The following TRIM50 variants were observed in gnomAD, a reference collection of about 807,000 sequenced individuals.
TRIM50 encodes tripartite motif containing 50, also known as E3 ubiquitin-protein ligase TRIM50.
In TRIM50, 34 loss-of-function variants were observed where a neutral mutation model predicts 44.9. The observed-to-expected ratio is 0.76, with a 90% CI of 0.58 to 1.01. TRIM50 has a LOEUF of 1.01. Among genes scored for constraint, TRIM50 ranks in the 50% least tolerant of loss-of-function variants. The pLI is 0.00. For synonymous variants in TRIM50, 307 were observed against 291.1 expected (o/e 1.05, Z -0.56); for missense variants, 633 against 663.7 (o/e 0.95, Z 0.51).
chr7:73,316,124 G>A (rs1362949329), intron 6 of TRIM50, among the ~76,000 whole-genome samples: 9 of 151,960 alleles, frequency 5.9e-5, no homozygotes, highest in South Asian at 2.1e-4. Context: ...CAGAAGATCC[G>A]CCCTCCTCAG....
At chr7:73,319,774 C>G (rs1365213556) in intron 3 of TRIM50, among the ~76,000 whole-genome samples, 1 of 152,226 alleles carries the variant, frequency 6.6e-6, no homozygotes, top group African/African-American at 2.4e-5. Flanking sequence ...GGGCTGCCAG[C>G]CTCTCCACGC....
chr7:73,326,485 T>G (rs550500684), intron 1 of TRIM50, among the ~76,000 whole-genome samples: 13 of 151,884 alleles, frequency 8.6e-5, no homozygotes, highest in Middle Eastern at 3.4e-3. Flanking sequence ...TATACAAGTG[T>G]GCAAATCTTA....
Position 73,313,346 on chromosome 7 carries a change from C to G in TRIM50, c.1039G>C (p.Gly347Arg). The G allele has an allele frequency of 6.2e-7, 1 of 1,603,656 alleles. No individual in the cohort carries two copies. The highest frequency in any genetic ancestry group is 8.5e-7 in the Non-Finnish European group (1 of 1,176,136). The change falls in exon 7 of 7, where the codon GGC (glycine) becomes CGC (arginine). Residue 347 changes from glycine to arginine, a missense_variant. Coordinates refer to ENST00000333149, the MANE Select transcript of TRIM50 (RefSeq NM_178125.3). This position sits in a 1 kb window ranked among gnomAD's most constrained non-coding sequence, Gnocchi z 4.9. ...CVLASRGFSC[G>R]RHYWEVVVGS... ...ACCACCACCTCCCAGTAGTGGCGGC[C>G]GCAGGAGAAGCCGCGGCTGGCCAGG... is the stretch of plus-strand genomic sequence containing the variant.
At position 73,320,161 on chromosome 7, in the gene TRIM50, G is replaced by A. The variant is rs782607897; in HGVS notation, c.481C>T (p.Arg161Trp). The change falls in exon 3 of 7, where the codon CGG becomes TGG. Residue 161 changes from arginine to tryptophan, a missense_variant. Coordinates refer to ENST00000333149, the MANE Select transcript of TRIM50 (RefSeq NM_178125.3). Reference sequence around the variant, plus strand: ...GGGGCACTCACGACGATTCGGGTCCGGTTGTTCACCAGTTTGGCGATGAGC... The same window carrying A: ...GGGGCACTCACGACGATTCGGGTCCAGTTGTTCACCAGTTTGGCGATGAGC... Reference protein sequence around the residue: ...DELIAKLVNNRTRIVNESDVF... With the variant: ...DELIAKLVNNWTRIVNESDVF... 78 of 1,613,852 alleles carry A rather than the reference G, an allele frequency of 4.8e-5. No homozygotes were observed. The Middle Eastern group carries it at 4.9e-4, about 10-fold the overall frequency.
rs1804294101 is a variant in TRIM50, at chr7:73,313,767, G to T, written c.875-257C>A. Among the ~76,000 whole-genome samples, 2 of 152,174 alleles carry T rather than the reference G, an allele frequency of 1.3e-5. No individual in the cohort carries two copies. Among genetic ancestry groups the T allele is most frequent in the Admixed American group, 1.3e-4 (2 of 15,278 alleles). On this transcript the variant is annotated intron_variant, in intron 6 of 6. Coordinates refer to ENST00000333149, the MANE Select transcript of TRIM50 (RefSeq NM_178125.3). The surrounding 1 kb of genome is among the most constrained non-coding windows in gnomAD (Gnocchi z 4.9). The stretch of plus-strand genomic sequence containing the variant: ...ATTGCATCCACCCAAGGCAAAAACA[G>T]TGTTTATATAAAAGGGAGCAGCTTG...
rs1301003815 is a variant in TRIM50 at position 73,312,864 on chromosome 7, C to T, written c.*57G>A. 16 of 1,382,088 alleles carry T rather than the reference C, an allele frequency of 1.2e-5. No individual in the cohort carries two copies. The highest frequency in any genetic ancestry group is 4.4e-5 in the African/African-American group (3 of 68,736). 85.6% of individuals were successfully genotyped at this position (1,382,088 alleles called of 1,614,324 possible). ...TCAGGCGGGACCCAGCAGAAGCCCG[C>T]GAGTCCCCGGTGCCCCGCCGGGATG... On this transcript the variant is annotated 3_prime_UTR_variant, in exon 7 of 7. Coordinates refer to ENST00000333149, the MANE Select transcript of TRIM50 (RefSeq NM_178125.3).
At position 73,319,583 on chromosome 7, in the gene TRIM50, G is replaced by A. The variant is rs1554544762; in HGVS notation, c.496-531C>T. ...AACTCCCTGCAGAACCCTGAGCTCCGCCTCCACCAGGCAGGGCTGGTACCG... is the reference window on the plus strand; with the variant it reads ...AACTCCCTGCAGAACCCTGAGCTCCACCTCCACCAGGCAGGGCTGGTACCG... On this transcript the variant is annotated intron_variant, in intron 3 of 6. Transcript: ENST00000333149. 2.6e-5 allele frequency among the ~76,000 whole-genome samples: 4 copies of A among 152,328 alleles called. 1 individual carries two copies. The highest frequency in any genetic ancestry group is 3.9e-4 in the East Asian group (2 of 5,178).
intron 6 of TRIM50, chr7:73,314,851 A>T (rs1184603566): frequency 1.6e-4 from 30 of 191,406 alleles, no homozygotes; most frequent in Non-Finnish European, 3.0e-4. Flanking sequence ...GTCTCAAAAA[A>T]AAAAAAAAAA....
chr7:73,317,353 CTTT>C (rs547252453), intron 5 of TRIM50, among the ~76,000 whole-genome samples: 5 of 117,990 alleles, frequency 4.2e-5, no homozygotes, highest in Non-Finnish European at 5.4e-5. Context: ...CATGCCAAGA[CTTT>C]TTTTTTTTTT....
At position 73,324,454 on chromosome 7, in the gene TRIM50, C is replaced by T. The variant is rs781924268; in HGVS notation, c.334G>A (p.Gly112Ser). The T allele has an allele frequency of 1.7e-5, 28 of 1,613,482 alleles. No individual in the cohort carries two copies. The highest frequency in any genetic ancestry group is 2.2e-5 in the Non-Finnish European group (26 of 1,180,010). The change falls in exon 2 of 7, where the codon GGT (glycine) becomes AGT (serine). Residue 112 changes from glycine (G) to serine (S), a missense_variant. Transcript: ENST00000333149. ...KDQELICGLC[G>S]LLGSHQHHPV... ...TGGTGTTGGTGGGAGCCCAGCAGAC[C>T]GCAGAGGCCACAGATGAGCTCCTGG...
At chr7:73,318,606 C>A in intron 5 of TRIM50, 81 bp downstream of exon 5, 1 of 1,611,634 alleles carries the variant, frequency 6.2e-7, no homozygotes, top group South Asian at 1.1e-5. Context: ...GCTGGTTAAA[C>A]CGAATGGAGG....
In TRIM50 at chr7:73,313,546, G is replaced by A. The variant is rs1384290359; in HGVS notation, c.875-36C>T. 2.8e-6 allele frequency: 4 copies of A among 1,447,504 alleles called. No homozygotes were observed. Among genetic ancestry groups the A allele is most frequent in the African/African-American group, 2.8e-5 (2 of 70,424 alleles). 89.7% of individuals were successfully genotyped at this position (1,447,504 alleles called of 1,614,324 possible). A position where few individuals can be genotyped will look rare whatever the true frequency, so the allele number is the denominator to read the frequency against. On this transcript the variant is annotated intron_variant, in intron 6 of 6. Coordinates refer to ENST00000333149, the MANE Select transcript of TRIM50 (RefSeq NM_178125.3). This position sits in a 1 kb window ranked among gnomAD's most constrained non-coding sequence, Gnocchi z 4.9. ...GATCACAGAGGGTCTGTGAGGCCAC[G>A]TGGAGGGCAGCAGACCCGGCCCACA... is the stretch of plus-strand genomic sequence containing the variant.
At chr7:73,323,794 C>G (rs746984471) in intron 2 of TRIM50, among the ~76,000 whole-genome samples, 31 of 152,200 alleles carry the variant, frequency 2.0e-4, no homozygotes, top group Non-Finnish European at 4.1e-4. Context: ...AATTCCAGCA[C>G]TTTGGGAGGC....
Position 73,316,700 on chromosome 7 carries a change from C to G in TRIM50, c.750-11G>C, listed in dbSNP as rs782728870. On this transcript the variant is annotated splice_polypyrimidine_tract_variant and intron_variant, in intron 5 of 6. Coordinates refer to ENST00000333149, the MANE Select transcript of TRIM50 (RefSeq NM_178125.3). Reference sequence around the variant, plus strand: ...TGCGGCATCTCTGCTCTGCAGGTGACAGTTCACAGTACAAGAGAGTGAGGT... The same window carrying G: ...TGCGGCATCTCTGCTCTGCAGGTGAGAGTTCACAGTACAAGAGAGTGAGGT... 1 of 1,613,336 alleles carries G rather than the reference C, an allele frequency of 6.2e-7. No homozygotes were observed. The highest frequency in any genetic ancestry group is 1.1e-5 in the South Asian group (1 of 91,024).
chr7:73,325,013 T>G (rs1199391762), intron 1 of TRIM50, among the ~76,000 whole-genome samples: 2 of 109,110 alleles, frequency 1.8e-5, no homozygotes, highest in Admixed American at 1.0e-4. Context: ...CCCTTGAAGA[T>G]ATGTGTGTGT....
intron 2 of TRIM50, among the ~76,000 whole-genome samples, 185 bp from the exon 3 acceptor site, chr7:73,320,427 A>G (rs1450720594): frequency 6.6e-6 from 1 of 152,264 alleles, no homozygotes; most frequent in Non-Finnish European, 1.5e-5. Flanking sequence ...GTCTGGGCGC[A>G]GAAGCTCACG....
chr7:73,317,991 C>A (rs1804399421), intron 5 of TRIM50, among the ~76,000 whole-genome samples: 1 of 152,194 alleles, frequency 6.6e-6, no homozygotes, highest in African/African-American at 2.4e-5. Flanking sequence ...GAACTCATAA[C>A]CAGAGTCCAC....
intron 6 of TRIM50, 117 bp downstream of exon 6, chr7:73,316,448 C>T (rs1804360033): frequency 4.3e-6 from 6 of 1,394,856 alleles, no homozygotes; most frequent in Non-Finnish European, 5.8e-6. Context: ...CTCACTAGGA[C>T]CCTCCACAAA....
intron 6 of TRIM50, chr7:73,314,505 C>T (rs1804313074): frequency 2.4e-5 from 9 of 376,258 alleles, no homozygotes; most frequent in Middle Eastern, 9.3e-4. Context: ...AAGAGGCCAC[C>T]TGTCCTTGGA....
Sources: gnomAD v4.1 joint callset for allele counts (sites outside exome capture counted in the v4.1 genomes callset) on GRCh38, gnomAD v4.1.1 for gene constraint, Gnocchi (gnomAD v3.1) non-coding constraint, MANE v1.5 for transcripts, NCBI Gene and HGNC (gene_info 2026-07-23, HGNC 2026-07-21) for gene names.